PTPRD: variants seen among roughly 807,000 people sequenced by gnomAD.
The protein encoded by PTPRD is receptor-type tyrosine-protein phosphatase delta.
A neutral mutation model predicts 214.5 loss-of-function variants in PTPRD; 34 were observed. The observed-to-expected ratio is 0.16, with a 90% confidence interval of 0.12 to 0.21. The LOEUF is 0.21. Ranked by LOEUF, PTPRD falls within the 10% of genes least tolerant of loss-of-function variation. PTPRD has a pLI of 1.00. For synonymous variants in PTPRD, 1,128 were observed against 845.7 expected, an observed-to-expected ratio of 1.33 and a Z score of -5.79; for missense variants, 2,545 against 2,398.7, an observed-to-expected ratio of 1.06 and a Z score of -1.27.
chr9:10,466,516 G>A (rs547953614), intron 2 of PTPRD, among the ~76,000 whole-genome samples: 5 of 150,802 alleles, frequency 3.3e-5, no homozygotes, highest in South Asian at 2.1e-4. Context: ...CCAGCTACTC[G>A]GGAGGCTGAG....
chr9:9,801,960 C>G (rs1227308067), intron 5 of PTPRD, among the ~76,000 whole-genome samples: 2 of 151,962 alleles, frequency 1.3e-5, no homozygotes, highest in South Asian at 2.1e-4. Context: ...AGAATGGAGT[C>G]AGCTTGGATA....
At chr9:9,455,208 T>C (rs10977770) in intron 8 of PTPRD, among the ~76,000 whole-genome samples, 22,419 of 151,460 alleles carry the variant, frequency 0.15, 1,714 homozygotes, top group Middle Eastern at 0.29. Context: ...TCTTTTTTTG[T>C]TTAACAGATA....
At chr9:10,325,384 T>C (rs1010568899) in intron 3 of PTPRD, among the ~76,000 whole-genome samples, 2 of 152,008 alleles carry the variant, frequency 1.3e-5, no homozygotes, top group Non-Finnish European at 2.9e-5. Context: ...TTTTTGTTTT[T>C]TGGGGAAGAT....
intron 11 of PTPRD, among the ~76,000 whole-genome samples, chr9:8,989,194 C>G (rs960879509): frequency 6.6e-6 from 1 of 151,956 alleles, no homozygotes; most frequent in East Asian, 1.9e-4. Flanking sequence ...TCACCTCAAA[C>G]ATTTATCTTT....
In PTPRD at chr9:9,694,927, C is replaced by T. The variant is rs117419494; in HGVS notation, c.-287+39606G>A. Among the ~76,000 whole-genome samples, 257 of 152,276 alleles carry T rather than the reference C, an allele frequency of 1.7e-3. 2 individuals are homozygous for T. The highest frequency in any genetic ancestry group is 2.9e-3 in the Non-Finnish European group (196 of 68,032). On this transcript the variant is annotated intron_variant, in intron 7 of 45. Transcript: ENST00000381196. ...AAGAGCCTAAGCCTGGACTCGGACT[C>T]CCAAGAGCCTGCTTGTTGCTCTACC...
chr9:8,427,321 C>G (rs920204622), intron 35 of PTPRD, among the ~76,000 whole-genome samples: 1 of 152,168 alleles, frequency 6.6e-6, no homozygotes, highest in Non-Finnish European at 1.5e-5. Context: ...GGGATGTCGA[C>G]TGGAAAAAGC....
intron 9 of PTPRD, among the ~76,000 whole-genome samples, chr9:9,194,766 C>T (rs1029814745): frequency 6.6e-6 from 1 of 152,046 alleles, no homozygotes; most frequent in Non-Finnish European, 1.5e-5. Context: ...TAGCACATTG[C>T]ATATTATCTC....
chr9:10,335,610 T>C (rs549510833), intron 3 of PTPRD, among the ~76,000 whole-genome samples: 4 of 150,864 alleles, frequency 2.7e-5, no homozygotes, highest in South Asian at 4.2e-4. Flanking sequence ...TTCGTTAAAA[T>C]AAAAAATTCC....
At chr9:9,963,693 C>G (rs758347807) in intron 4 of PTPRD, among the ~76,000 whole-genome samples, 11 of 152,058 alleles carry the variant, frequency 7.2e-5, no homozygotes, top group South Asian at 2.1e-4. Flanking sequence ...GTAATAAAAA[C>G]CCCAAGTTCA....
chr9:10,256,378 A>T (rs1029133338), intron 3 of PTPRD, among the ~76,000 whole-genome samples: 4 of 148,408 alleles, frequency 2.7e-5, no homozygotes, highest in African/African-American at 7.5e-5. Flanking sequence ...CTCCTGAGGG[A>T]CCTGCTTGAA....
intron 2 of PTPRD, among the ~76,000 whole-genome samples, chr9:10,496,257 G>A (rs1245891635): frequency 6.6e-6 from 1 of 151,734 alleles, no homozygotes; most frequent in Non-Finnish European, 1.5e-5. Flanking sequence ...AGAACTGCCA[G>A]TTAAGACAAA....
chr9:9,890,594 A>G (rs899607434), intron 5 of PTPRD, among the ~76,000 whole-genome samples: 2 of 152,084 alleles, frequency 1.3e-5, no homozygotes, highest in African/African-American at 4.8e-5. Flanking sequence ...GAATTATTTT[A>G]CAGTATCATC....
intron 2 of PTPRD, among the ~76,000 whole-genome samples, chr9:10,463,170 T>A (rs1386339589): frequency 6.6e-6 from 1 of 152,028 alleles, no homozygotes; most frequent in African/African-American, 2.4e-5. Flanking sequence ...GACACCATCA[T>A]ATGCTTATAT....
intron 8 of PTPRD, among the ~76,000 whole-genome samples, chr9:9,472,841 T>G (rs1002924932): frequency 1.3e-5 from 2 of 152,182 alleles, no homozygotes; most frequent in African/African-American, 4.8e-5. Context: ...TATTCTCTTA[T>G]TTTTAGTTGA....
At chr9:9,391,694 G>A (rs2065894744) in intron 9 of PTPRD, among the ~76,000 whole-genome samples, 1 of 152,102 alleles carries the variant, frequency 6.6e-6, no homozygotes, top group Non-Finnish European at 1.5e-5. Context: ...TCCATTTATA[G>A]TAATATGTTT....
chr9:8,701,027 G>A (rs947502765), intron 12 of PTPRD: 25 of 152,034 alleles, frequency 1.6e-4, no homozygotes, highest in Non-Finnish European at 1.5e-5. Context: ...CAGGTGTGGT[G>A]ATGCGTGCCT....
intron 10 of PTPRD, among the ~76,000 whole-genome samples, chr9:9,143,649 G>C (rs1051953369): frequency 2.6e-5 from 4 of 152,184 alleles, no homozygotes; most frequent in African/African-American, 9.6e-5. Flanking sequence ...TATGTTCAGA[G>C]TTTAGTACAT....
At chr9:9,023,013 C>A (rs2099575024) in intron 10 of PTPRD, among the ~76,000 whole-genome samples, 2 of 152,102 alleles carry the variant, frequency 1.3e-5, no homozygotes, top group African/African-American at 4.8e-5. Flanking sequence ...TTTCCCTTGG[C>A]TTTGAACATT....
intron 8 of PTPRD, among the ~76,000 whole-genome samples, chr9:9,501,172 T>C (rs1407512407): frequency 1.3e-5 from 2 of 151,874 alleles, no homozygotes; most frequent in African/African-American, 4.8e-5. Context: ...TTACTTGAAA[T>C]GTGAATGGAT....
Sources: gnomAD v4.1 joint callset for allele counts (sites outside exome capture counted in the v4.1 genomes callset) on GRCh38, gnomAD v4.1.1 for gene constraint, MANE v1.5 for transcripts, NCBI Gene and HGNC (gene_info 2026-07-23, HGNC 2026-07-21) for gene names.